ENPEP: variants seen among roughly 807,000 people sequenced by gnomAD.
ENPEP encodes AP-A.
A neutral mutation model predicts 114.5 loss-of-function variants in ENPEP; 103 were observed. The ratio of observed to expected loss-of-function variants is 0.90; its 90% confidence interval spans 0.77 to 1.06. The LOEUF (loss-of-function observed/expected upper bound fraction) is 1.06, where lower values mean the gene tolerates loss of function less well. Ranked by LOEUF, ENPEP falls within the 50% of genes least tolerant of loss-of-function variation. ENPEP has a pLI of 0.00. For missense variants in ENPEP, 1,196 were observed against 1,161.3 expected, an observed-to-expected ratio of 1.03 and a Z score of -0.43; for synonymous variants, 420 against 422.0, an observed-to-expected ratio of 1.00 and a Z score of 0.06.
intron 17 of ENPEP, among the ~76,000 whole-genome samples, chr4:110,550,107 T>C (rs949833565): frequency 3.3e-5 from 5 of 152,088 alleles, no homozygotes; most frequent in African/African-American, 1.2e-4. Flanking sequence ...CTTCCAGTTG[T>C]GTGCAGCGGC....
chr4:110,491,236 T>G (rs939878776), intron 3 of ENPEP, 72 bp downstream of exon 3: 20 of 97,404 alleles, frequency 2.1e-4, no homozygotes, highest in South Asian at 2.6e-4. Context: ...TTTTGGGTAG[T>G]TTTTTTTTTT....
At chr4:110,510,554 C>T (rs1370480750) in intron 6 of ENPEP, among the ~76,000 whole-genome samples, 196 bp downstream of exon 6, 1 of 149,428 alleles carries the variant, frequency 6.7e-6, no homozygotes, top group Non-Finnish European at 1.5e-5. Context: ...GGCAGCTGAT[C>T]ATCACAATCT....
At chr4:110,506,960 C>T (rs1236007894) in intron 4 of ENPEP, among the ~76,000 whole-genome samples, 8 of 152,112 alleles carry the variant, frequency 5.3e-5, no homozygotes, top group Admixed American at 1.3e-4. Flanking sequence ...CAACCATGCC[C>T]AGCCTGTACT....
At chr4:110,544,774 C>G (rs763588688) in intron 13 of ENPEP, among the ~76,000 whole-genome samples, 1 of 152,116 alleles carries the variant, frequency 6.6e-6, no homozygotes, top group African/African-American at 2.4e-5. Flanking sequence ...AAGAAAGCCT[C>G]TTGAACAGCT....
intron 8 of ENPEP, chr4:110,515,972 T>G (rs1029818507): frequency 7.3e-5 from 23 of 315,372 alleles, no homozygotes; most frequent in African/African-American, 5.0e-4. Context: ...CCTCACGATA[T>G]CATCTAAATG....
Position 110,541,863 on chromosome 4 carries a change from T to C in ENPEP, c.1808-888T>C, listed in dbSNP as rs558272836. Among the ~76,000 whole-genome samples the C allele has an allele frequency of 2.0e-5, 3 of 152,246 alleles. No individual in the cohort carries two copies. The South Asian group carries it at 6.2e-4, about 32-fold the overall frequency. ...TGTAAACAAAAGAGTGTATGATGTA[T>C]GAACTGAAAAATATAGGAGTAACGC... On this transcript the variant is annotated intron_variant, in intron 11 of 19. Coordinates refer to ENST00000265162, the MANE Select transcript of ENPEP (RefSeq NM_001977.4).
intron 1 of ENPEP, among the ~76,000 whole-genome samples, chr4:110,482,584 A>T (rs1724352430): frequency 6.6e-6 from 1 of 152,224 alleles, no homozygotes. Context: ...TCTTACCTGC[A>T]TGGATGTGTA....
intron 3 of ENPEP, among the ~76,000 whole-genome samples, chr4:110,496,240 C>T (rs1326462475): frequency 6.6e-6 from 1 of 152,060 alleles, no homozygotes; most frequent in Admixed American, 6.6e-5. Context: ...AACAGCCTAT[C>T]TTTATAACAG....
rs200733220 is a variant in ENPEP at position 110,520,297 on chromosome 4, A to G, written c.1658A>G (p.Lys553Arg). The G allele has an allele frequency of 1.2e-6, 2 of 1,614,040 alleles. No homozygotes were observed. The highest frequency in any genetic ancestry group is 2.7e-5 in the African/African-American group (2 of 74,922). The part of the protein sequence containing the change: ...GYPVLNVNGV[K>R]NITQKRFLLD... Reference sequence around the variant, plus strand: ...CCTGTGCTTAACGTGAACGGTGTCAAGAACATCACACAGAAACGCTTTTTG... The same window carrying G: ...CCTGTGCTTAACGTGAACGGTGTCAGGAACATCACACAGAAACGCTTTTTG... The change falls in exon 10 of 20, where the codon AAG becomes AGG. Residue 553 changes from lysine (K) to arginine (R), a missense_variant. By Grantham distance (26) the Lys-to-Arg change is conservative (BLOSUM62 2). Transcript: ENST00000265162.
chr4:110,526,930 T>A (rs1009743708), intron 10 of ENPEP, among the ~76,000 whole-genome samples: 5 of 152,202 alleles, frequency 3.3e-5, no homozygotes, highest in African/African-American at 1.2e-4. Context: ...TCAGGTGAAT[T>A]GGCGGAGAAC....
At chr4:110,526,937 G>A (rs1726218539) in intron 10 of ENPEP, among the ~76,000 whole-genome samples, 1 of 152,162 alleles carries the variant, frequency 6.6e-6, no homozygotes, top group Non-Finnish European at 1.5e-5. Context: ...AATTGGCGGA[G>A]AACAATCTCC....
At chr4:110,548,116 CTG>C (rs1727135895) in intron 13 of ENPEP, 58 bp from the exon 14 acceptor site, 1 of 1,345,208 alleles carries the variant, frequency 7.4e-7, no homozygotes, top group South Asian at 2.0e-5. Flanking sequence ...AAACTAAAGT[CTG>C]TGGTTTTTAA....
chr4:110,551,179 G>C (rs977835660), intron 17 of ENPEP, among the ~76,000 whole-genome samples: 1 of 151,314 alleles, frequency 6.6e-6, no homozygotes, highest in African/African-American at 2.4e-5. Flanking sequence ...TGTGCTGATT[G>C]TATCTGGTAA....
rs749739961 is a variant in ENPEP at position 110,561,468 on chromosome 4, G to T, written c.2784G>T (p.Val928=). Residue 928 remains valine, a synonymous_variant, in exon 20 of 20, where the codon GTG becomes GTT. Coordinates refer to ENST00000265162, the MANE Select transcript of ENPEP (RefSeq NM_001977.4). ...CAGGAGAAAAACCTAGGGAACAAGTGCTGGAAACAGTGAAAAACAATATAG... is the reference window on the plus strand; with the variant it reads ...CAGGAGAAAAACCTAGGGAACAAGTTCTGGAAACAGTGAAAAACAATATAG... ...AGAGEKPREQ[V]LETVKNNIEW... is the part of the protein sequence containing the mutation. The T allele has an allele frequency of 6.2e-7, 1 of 1,613,900 alleles. No homozygotes were observed. The highest frequency in any genetic ancestry group is 8.5e-7 in the Non-Finnish European group (1 of 1,179,958).
At chr4:110,481,036 T>C (rs1409080432) in intron 1 of ENPEP, among the ~76,000 whole-genome samples, 2 of 152,168 alleles carry the variant, frequency 1.3e-5, no homozygotes, top group Admixed American at 1.3e-4. Context: ...TATATTTTCT[T>C]CTCTCCAAGA....
rs1375902920 is a variant in ENPEP, at chr4:110,553,305, C to T, written c.2502-10C>T. ...CACTTTGAATTGTTTTTCTGTTTGGCTTCTCTTAGGTATTTGGATTTGCTC... is the reference window on the plus strand; with the variant it reads ...CACTTTGAATTGTTTTTCTGTTTGGTTTCTCTTAGGTATTTGGATTTGCTC... On this transcript the variant is annotated splice_polypyrimidine_tract_variant and intron_variant, in intron 17 of 19. Transcript: ENST00000265162. 4 of 1,548,930 alleles carry T rather than the reference C, an allele frequency of 2.6e-6. No homozygotes were observed. The highest frequency in any genetic ancestry group is 3.5e-6 in the Non-Finnish European group (4 of 1,138,686).
At chr4:110,557,985 G>T (rs932218660) in intron 18 of ENPEP, among the ~76,000 whole-genome samples, 1 of 146,306 alleles carries the variant, frequency 6.8e-6, no homozygotes, top group African/African-American at 2.5e-5. Flanking sequence ...ATATTACAAC[G>T]ATTTGTTCTC....
rs778486245 is a variant in ENPEP at position 110,542,868 on chromosome 4, C to T, written c.1925C>T (p.Ala642Val). The change falls in exon 12 of 20, where the codon GCG (alanine) becomes GTG (valine). Residue 642 changes from alanine (A) to valine (V), a missense_variant. Ala to Val is a moderately conservative substitution (Grantham distance 64). Transcript: ENST00000265162. Reference sequence around the variant, plus strand: ...GCAACTTGGGACTCGATAGCTACAGCGCTCTCCTTGAACCACAAGGTAAGA... The same window carrying T: ...GCAACTTGGGACTCGATAGCTACAGTGCTCTCCTTGAACCACAAGGTAAGA... ...EVATWDSIAT[A>V]LSLNHKTFSS... is the part of the protein sequence containing the mutation. 2.2e-5 allele frequency: 36 copies of T among 1,612,940 alleles called. No individual in the cohort carries two copies. The South Asian group carries it at 2.5e-4, about 11-fold the overall frequency.
At chr4:110,479,494 A>C (rs1394757470) in intron 1 of ENPEP, among the ~76,000 whole-genome samples, 3 of 152,162 alleles carry the variant, frequency 2.0e-5, no homozygotes, top group African/African-American at 7.2e-5. Flanking sequence ...ATATGTGTAC[A>C]TGCATATACA....
Sources: allele counts gnomAD v4.1 joint callset (sites outside exome capture counted in the v4.1 genomes callset), GRCh38; gene constraint gnomAD v4.1.1; transcripts MANE v1.5; gene names NCBI Gene and HGNC (gene_info 2026-07-23, HGNC 2026-07-21).